The following PPARG variants were observed in gnomAD, a reference collection of about 807,000 sequenced individuals.
PPARG encodes peroxisome proliferator activated receptor gamma.
In PPARG, 17 loss-of-function variants were observed where a neutral mutation model predicts 39.2. That is an observed-to-expected ratio of 0.43 (90% CI 0.30 to 0.65). The LOEUF (loss-of-function observed/expected upper bound fraction) is 0.65, where lower values mean the gene tolerates loss of function less well. Ranked by LOEUF, PPARG falls within the 30% of genes least tolerant of loss-of-function variation. The probability of loss-of-function intolerance (pLI) is 0.13; values close to 1 mark genes in which losing one functional copy is unlikely to be tolerated. For synonymous variants in PPARG, 223 were observed against 215.7 expected, an observed-to-expected ratio of 1.03 and a Z score of -0.30; for missense variants, 406 against 585.9, an observed-to-expected ratio of 0.69 and a Z score of 3.17.
intron 7 of PPARG, among the ~76,000 whole-genome samples, chr3:12,423,497 G>A (rs934448068): frequency 6.6e-6 from 1 of 152,158 alleles, no homozygotes. Flanking sequence ...CTTCTCTCTG[G>A]AACAAAAGAC....
At chr3:12,325,421 C>CTAAA (rs1173431281) in intron 2 of PPARG, among the ~76,000 whole-genome samples, 5 of 151,452 alleles carry the variant, frequency 3.3e-5, no homozygotes, top group East Asian at 3.9e-4. Context: ...GACTTTGTCT[C>CTAAA]TAAATAAATA....
chr3:12,307,959 G>A (rs1466487807), intron 1 of PPARG, among the ~76,000 whole-genome samples: 2 of 151,980 alleles, frequency 1.3e-5, no homozygotes, highest in Non-Finnish European at 2.9e-5. Context: ...AGTGCTGAGG[G>A]CAAGAATATA....
Position 12,409,663 on chromosome 3 carries a change from C to T in PPARG, c.729+3582C>T, listed in dbSNP as rs572681794. ...AGAGCAATTTGCATTTCTTATACAC[C>T]CTGCTTGAGACTGATGTCATTAGTG... On this transcript the variant is annotated intron_variant, in intron 6 of 7. Transcript: ENST00000651735. Among the ~76,000 whole-genome samples the T allele has an allele frequency of 9.9e-5, 15 of 152,116 alleles. No individual in the cohort carries two copies. In the East Asian group the frequency reaches 2.7e-3, roughly 27 times the overall value.
intron 2 of PPARG, among the ~76,000 whole-genome samples, chr3:12,359,214 A>G (rs1259523586): frequency 6.6e-6 from 1 of 152,202 alleles, no homozygotes; most frequent in Non-Finnish European, 1.5e-5. Context: ...TGCACGTAGT[A>G]TTAGGTGATT....
chr3:12,311,413 C>T (rs2047240644), intron 1 of PPARG, among the ~76,000 whole-genome samples: 1 of 152,082 alleles, frequency 6.6e-6, no homozygotes, highest in South Asian at 2.1e-4. Context: ...CTAAACAATG[C>T]CAGAGAAATA....
chr3:12,361,916 A>G (rs1270822426), intron 2 of PPARG, among the ~76,000 whole-genome samples: 4 of 152,182 alleles, frequency 2.6e-5, no homozygotes, highest in Admixed American at 6.5e-5. Flanking sequence ...ATTGGGAGAT[A>G]ATTGAAAGCT....
At chr3:12,355,193 C>A (rs1483174617) in intron 2 of PPARG, among the ~76,000 whole-genome samples, 1 of 151,988 alleles carries the variant, frequency 6.6e-6, no homozygotes, top group African/African-American at 2.4e-5. Context: ...AGTGCAGAGG[C>A]CTGATATCAT....
chr3:12,308,607 A>G (rs969160862), intron 1 of PPARG, among the ~76,000 whole-genome samples: 2 of 152,198 alleles, frequency 1.3e-5, no homozygotes, highest in Admixed American at 6.5e-5. Flanking sequence ...CCACTTCCTT[A>G]TTACTTTACA....
intron 7 of PPARG, among the ~76,000 whole-genome samples, chr3:12,432,948 ATT>A (rs1214299912): frequency 1.3e-5 from 2 of 151,960 alleles, no homozygotes; most frequent in East Asian, 3.9e-4. Flanking sequence ...CTTAAAAGTA[ATT>A]TAAGTTCACC....
At chr3:12,306,957 G>A (rs981922044) in intron 1 of PPARG, among the ~76,000 whole-genome samples, 15 of 152,002 alleles carry the variant, frequency 9.9e-5, no homozygotes, top group Non-Finnish European at 1.5e-4. Context: ...AATTAGCCGG[G>A]CGTGGTGGTG....
At position 12,396,332 on chromosome 3, in the gene PPARG, A is replaced by G. The variant is rs183385129; in HGVS notation, c.529+3580A>G. On this transcript the variant is annotated intron_variant, in intron 5 of 7. Transcript: ENST00000651735. ...AGATGGGGCTTCACCATGTTGGCCAAGATGGTCTCGAACTCCTGACCTCAG... is the reference window on the plus strand; with the variant it reads ...AGATGGGGCTTCACCATGTTGGCCAGGATGGTCTCGAACTCCTGACCTCAG... Among the ~76,000 whole-genome samples the G allele has an allele frequency of 5.8e-3, 887 of 152,144 alleles. 12 individuals carry two copies. The highest frequency in any genetic ancestry group is 0.019 in the African/African-American group (808 of 41,516).
At chr3:12,332,060 G>C (rs910085468) in intron 2 of PPARG, among the ~76,000 whole-genome samples, 4 of 152,174 alleles carry the variant, frequency 2.6e-5, no homozygotes, top group Non-Finnish European at 5.9e-5. Context: ...ACTAATGGTT[G>C]TCAAATTAAG....
chr3:12,378,001 A>G (rs1251818026), intron 2 of PPARG, among the ~76,000 whole-genome samples: 1 of 152,214 alleles, frequency 6.6e-6, no homozygotes, highest in East Asian at 1.9e-4. Flanking sequence ...CAAGTGGCCA[A>G]CAGATATATG....
intron 4 of PPARG, among the ~76,000 whole-genome samples, chr3:12,384,632 C>T (rs774867807): frequency 1.3e-5 from 2 of 152,140 alleles, no homozygotes; most frequent in Admixed American, 6.6e-5. Context: ...TTCAAGTATA[C>T]ATCAGCAGTT....
chr3:12,351,699 A>G (rs375584938), intron 2 of PPARG: 38 of 1,559,288 alleles, frequency 2.4e-5, no homozygotes, highest in Admixed American at 2.2e-4. Context: ...AGATACGGCT[A>G]TTGGGGACGT....
intron 2 of PPARG, among the ~76,000 whole-genome samples, chr3:12,355,523 T>C (rs1299670725): frequency 6.6e-6 from 1 of 152,204 alleles, no homozygotes; most frequent in Non-Finnish European, 1.5e-5. Flanking sequence ...TTTCTGAGTA[T>C]GGCTCTAGCT....
chr3:12,324,233 C>A (rs1258856534), intron 2 of PPARG, among the ~76,000 whole-genome samples: 1 of 151,588 alleles, frequency 6.6e-6, no homozygotes, highest in African/African-American at 2.4e-5. Flanking sequence ...GAACCGAGAT[C>A]GTGCCACTGC....
rs574911603 is a variant in PPARG, at chr3:12,399,365, AGTT to A, written c.530-6516_530-6514del. Reference sequence around the variant, plus strand: ...TCCTTTAGAGGAACTACAAAAGGATAGTTATTAGATTGCCAAATCCTGCAGAAC... The same window carrying A: ...TCCTTTAGAGGAACTACAAAAGGATAATTAGATTGCCAAATCCTGCAGAAC... On this transcript the variant is annotated intron_variant, in intron 5 of 7. Transcript: ENST00000651735. The A allele has an allele frequency of 7.7e-4, 351 of 456,598 alleles. 1 individual carries two copies. Among genetic ancestry groups the A allele is most frequent in the African/African-American group, 6.4e-3 (322 of 50,172 alleles). The allele number at this position is 456,598 out of a possible 1,614,324, so 28.3% of individuals were successfully genotyped here. A position where few individuals can be genotyped will look rare whatever the true frequency, so the allele number is the denominator to read the frequency against.
chr3:12,306,902 T>C (rs554236500), intron 1 of PPARG, among the ~76,000 whole-genome samples: 3 of 151,928 alleles, frequency 2.0e-5, no homozygotes, highest in African/African-American at 7.2e-5. Flanking sequence ...ATCGAGACCA[T>C]CCTGGCTAAC....
Sources: gnomAD v4.1 joint callset for allele counts (sites outside exome capture counted in the v4.1 genomes callset) on GRCh38, gnomAD v4.1.1 for gene constraint, MANE v1.5 for transcripts, NCBI Gene and HGNC (gene_info 2026-07-23, HGNC 2026-07-21) for gene names.